Variants in KIAA1671 observed in about 807,000 individuals in gnomAD.
KIAA1671 encodes KIAA1671.
KIAA1671 carries 52 observed loss-of-function variants against 131.2 expected under a neutral mutation model. The observed-to-expected ratio is 0.40, with a 90% CI of 0.32 to 0.50. KIAA1671 has a LOEUF of 0.50. Ranked by LOEUF, KIAA1671 falls within the 20% of genes least tolerant of loss-of-function variation. KIAA1671 has a pLI of 0.73. For missense variants in KIAA1671, 2,360 were observed against 2,364.2 expected (o/e 1.00, Z 0.04); for synonymous variants, 1,003 against 961.6 (o/e 1.04, Z -0.80).
In KIAA1671 at chr22:25,065,651, T is replaced by TA. The variant is rs1568936867; in HGVS notation, c.4530+16287_4530+16288insA. The stretch of plus-strand genomic sequence containing the variant: ...AGAATTATTATTATTATTATTATTT[T>TA]TTTTTTTTTGAGACAGTCTCGCTCG... On this transcript the variant is annotated intron_variant, in intron 6 of 12. Coordinates refer to ENST00000358431, the MANE Select transcript of KIAA1671 (RefSeq NM_001145206.2). Among the ~76,000 whole-genome samples, 99 of 150,458 alleles carry TA rather than the reference T, an allele frequency of 6.6e-4. No individual in the cohort carries two copies. In the South Asian group the frequency reaches 0.011, roughly 17 times the overall value.
intron 1 of KIAA1671, among the ~76,000 whole-genome samples, chr22:24,961,614 G>C (rs1218373349): frequency 6.6e-6 from 1 of 152,218 alleles, no homozygotes; most frequent in Admixed American, 6.5e-5. Context: ...GCCAGCCAGG[G>C]CGTGTTCTTC....
chr22:25,062,854 G>A (rs1928246347), intron 6 of KIAA1671: 1 of 61,884 alleles, frequency 1.6e-5, no homozygotes, highest in Admixed American at 1.8e-4. Flanking sequence ...CCCTAGTTGT[G>A]TGTTTTCAGT....
At chr22:25,171,928 A>G (rs1270521752) in intron 7 of KIAA1671, among the ~76,000 whole-genome samples, 1 of 152,120 alleles carries the variant, frequency 6.6e-6, no homozygotes, top group Non-Finnish European at 1.5e-5. Flanking sequence ...CATGTGACCA[A>G]TGGCAAATTG....
Position 25,039,296 on chromosome 22 carries a change from T to C in KIAA1671, c.2166T>C (p.Asn722=). 2 of 1,552,068 alleles carry C rather than the reference T, an allele frequency of 1.3e-6. No individual in the cohort carries two copies. The highest frequency in any genetic ancestry group is 2.0e-5 in the Admixed American group (1 of 51,002). ...ACACCTTCCTCAAACACTTGGAAAA[T>C]CCTCCCACATCGCAGAGAATTGAGC... is the stretch of plus-strand genomic sequence containing the variant. ...NNNTFLKHLE[N]PPTSQRIEPR... The change falls in exon 5 of 13, where the codon AAT becomes AAC. Residue 722 remains asparagine, a synonymous_variant. Coordinates refer to ENST00000358431, the MANE Select transcript of KIAA1671 (RefSeq NM_001145206.2).
chr22:25,005,401 TG>T (rs1295274817), intron 1 of KIAA1671, among the ~76,000 whole-genome samples: 1 of 151,768 alleles, frequency 6.6e-6, no homozygotes, highest in Non-Finnish European at 1.5e-5. Context: ...CAAGGTGTTT[TG>T]GTATCATTCC....
chr22:25,072,068 G>A (rs528914831), intron 6 of KIAA1671, among the ~76,000 whole-genome samples: 1 of 152,296 alleles, frequency 6.6e-6, no homozygotes, highest in South Asian at 2.1e-4. Flanking sequence ...GCTAGGGTAG[G>A]GGTCCAGGGA....
chr22:25,040,242 C>T lies in KIAA1671; in HGVS notation c.3112C>T (p.Gln1038Ter). 1.9e-6 allele frequency: 3 copies of T among 1,551,684 alleles called. No homozygotes were observed. The highest frequency in any genetic ancestry group is 2.6e-6 in the Non-Finnish European group (3 of 1,147,008). ...AGTCACCTATCAGATTCCCAATACT[C>T]AAAAGGCAAAGGGTGTGGTTCTGTC... ...FAVTYQIPNTQKAKGVVLSGA... is the reference protein window; with the variant it reads ...FAVTYQIPNT Residue 1038 changes from glutamine (Q) to a stop codon, truncating the protein, a stop_gained, in exon 5 of 13, where the codon CAA becomes TAA. Coordinates refer to ENST00000358431, the MANE Select transcript of KIAA1671 (RefSeq NM_001145206.2). LOFTEE classifies it high-confidence loss of function.
At chr22:25,166,845 G>A (rs1241732663) in intron 6 of KIAA1671, among the ~76,000 whole-genome samples, 3 of 151,774 alleles carry the variant, frequency 2.0e-5, no homozygotes, top group African/African-American at 7.3e-5. Flanking sequence ...CTCGCTATAA[G>A]CTGTCACTCC....
At chr22:25,041,620 A>G in intron 5 of KIAA1671, 95 bp downstream of exon 5, 2 of 1,311,586 alleles carry the variant, frequency 1.5e-6, no homozygotes, top group South Asian at 3.1e-5. Context: ...CACTTTGGGT[A>G]CATAAATGAG....
chr22:25,171,999 T>C (rs1328438996), intron 7 of KIAA1671, among the ~76,000 whole-genome samples: 2 of 152,156 alleles, frequency 1.3e-5, no homozygotes, highest in Admixed American at 6.5e-5. Flanking sequence ...AGGAGGGTGA[T>C]AGAATTGAAA....
At chr22:25,013,246 T>C (rs899118421) in intron 1 of KIAA1671, 5 of 152,166 alleles carry the variant, frequency 3.3e-5, no homozygotes, top group Non-Finnish European at 5.9e-5. Flanking sequence ...CAAATGGACA[T>C]TGTGCTGGGG....
intron 4 of KIAA1671, among the ~76,000 whole-genome samples, chr22:25,033,739 C>T (rs11703591): frequency 0.3 from 45,582 of 151,012 alleles, 8,720 homozygotes; most frequent in African/African-American, 0.56. Context: ...CCACCATGCC[C>T]GGCTTATTTC....
At chr22:25,156,009 GTGCTTTTTTTT>G in intron 6 of KIAA1671, among the ~76,000 whole-genome samples, 1 of 93,368 alleles carries the variant, frequency 1.1e-5, no homozygotes, top group African/African-American at 3.8e-5. Flanking sequence ...ATGTGTGTAT[GTGCTTTTTTTT>G]TTTTTTTTTT....
At position 25,159,310 on chromosome 22, in the gene KIAA1671, C is replaced by T. The variant is rs1316492797; in HGVS notation, c.4531-11510C>T. Among the ~76,000 whole-genome samples, 3 of 152,204 alleles carry T rather than the reference C, an allele frequency of 2.0e-5. No individual in the cohort carries two copies. The East Asian group carries it at 5.8e-4, about 29-fold the overall frequency. Reference sequence around the variant, plus strand: ...CACAGGCATCATTTTGCAGCCTGCACACCACGGTGGATGACTCATCTGCCC... The same window carrying T: ...CACAGGCATCATTTTGCAGCCTGCATACCACGGTGGATGACTCATCTGCCC... On this transcript the variant is annotated intron_variant, in intron 6 of 12. Coordinates refer to ENST00000358431, the MANE Select transcript of KIAA1671 (RefSeq NM_001145206.2).
At chr22:25,139,150 G>A (rs545621048) in intron 6 of KIAA1671, among the ~76,000 whole-genome samples, 1 of 152,322 alleles carries the variant, frequency 6.6e-6, no homozygotes, top group Admixed American at 6.5e-5. Flanking sequence ...GGAATTCTGG[G>A]GATGCTGCTT....
chr22:24,958,726 T>G (rs1331797699), intron 1 of KIAA1671, among the ~76,000 whole-genome samples: 2 of 151,066 alleles, frequency 1.3e-5, no homozygotes, highest in East Asian at 3.9e-4. Context: ...ATTCCAGCAC[T>G]TTCGGAGGCA....
intron 1 of KIAA1671, among the ~76,000 whole-genome samples, chr22:24,988,563 C>T (rs1335497326): frequency 2.0e-5 from 3 of 151,130 alleles, no homozygotes; most frequent in Non-Finnish European, 4.4e-5. Context: ...GGTGAAACCC[C>T]ATCTCTACTA....
chr22:25,082,313 TG>T (rs1929454051), intron 6 of KIAA1671, among the ~76,000 whole-genome samples: 1 of 152,152 alleles, frequency 6.6e-6, no homozygotes, highest in Non-Finnish European at 1.5e-5. Context: ...AGGCCTGAGC[TG>T]GGTCTTAACA....
rs767132245 is a variant in KIAA1671 at position 25,025,472 on chromosome 22, C to T, written c.-207-161C>T. ...GTGGGCTCAGCACTATTTATGCACA[C>T]GTACATATAAGGCTACAAAATCGAA... On this transcript the variant is annotated intron_variant, in intron 1 of 12. Transcript: ENST00000358431. 3.9e-3 allele frequency among the ~76,000 whole-genome samples: 592 copies of T among 152,194 alleles called. 3 individuals carry two copies. The highest frequency in any genetic ancestry group is 6.0e-3 in the Non-Finnish European group (407 of 68,018).
Sources: allele counts gnomAD v4.1 joint callset (sites outside exome capture counted in the v4.1 genomes callset), GRCh38; gene constraint gnomAD v4.1.1; transcripts MANE v1.5; gene names NCBI Gene and HGNC (gene_info 2026-07-23, HGNC 2026-07-21).